The following COA7 variants were observed in gnomAD, a reference collection of about 807,000 sequenced individuals.
COA7 encodes the protein cytochrome c oxidase assembly factor 7.
COA7 carries 12 observed loss-of-function variants against 21.0 expected under a neutral mutation model. The ratio of observed to expected loss-of-function variants is 0.57; its 90% CI spans 0.37 to 0.92. COA7 has a LOEUF of 0.92. Ranked by LOEUF, COA7 falls within the 40% of genes least tolerant of loss-of-function variation. COA7 has a pLI of 0.01. For synonymous variants in COA7, 95 were observed against 107.4 expected (o/e 0.88, Z 0.72); for missense variants, 240 against 286.1 (o/e 0.84, Z 1.16).
At chr1:52,694,077 A>T (rs1644066726) in intron 1 of COA7, among the ~76,000 whole-genome samples, 1 of 152,232 alleles carries the variant, frequency 6.6e-6, no homozygotes, top group African/African-American at 2.4e-5. Context: ...ACACATGGAC[A>T]CAGGGAGTGT....
intron 1 of COA7, among the ~76,000 whole-genome samples, chr1:52,695,815 T>A (rs1013000556): frequency 3.3e-5 from 5 of 152,054 alleles, no homozygotes; most frequent in Non-Finnish European, 7.4e-5. Flanking sequence ...TCTTCTCAGG[T>A]CTCGTAAAGT....
In COA7 at chr1:52,684,913, A is replaced by G. The variant is rs920607747; in HGVS notation, c.*2807T>C. 1 of 148,122 alleles carries G rather than the reference A, an allele frequency of 6.8e-6. No homozygotes were observed. Among genetic ancestry groups the G allele is most frequent in the African/African-American group, 2.6e-5 (1 of 38,280 alleles). The allele number at this position is 148,122 out of a possible 1,614,324, so 9.2% of individuals were successfully genotyped here. The stretch of plus-strand genomic sequence containing the variant: ...AGACTGGCTTCATTTAGTAGCATTC[A>G]TTTAAGTTCCTCTGTGACTTCTTAT... On this transcript the variant is annotated 3_prime_UTR_variant, in exon 3 of 3. Transcript: ENST00000371538.
At chr1:52,696,256 C>T (rs1644083217) in intron 1 of COA7, among the ~76,000 whole-genome samples, 1 of 152,086 alleles carries the variant, frequency 6.6e-6, no homozygotes, top group Admixed American at 6.6e-5. Context: ...TCACTGCAAC[C>T]TCCGCCTCCC....
At chr1:52,689,754 G>A (rs1276309946) in intron 2 of COA7, among the ~76,000 whole-genome samples, 6 of 151,726 alleles carry the variant, frequency 4.0e-5, no homozygotes, top group East Asian at 3.9e-4. Flanking sequence ...GGCTGGGCGC[G>A]GTGGCTTACG....
At chr1:52,692,041 G>A (rs79742529) in intron 2 of COA7, among the ~76,000 whole-genome samples, 3,029 of 152,276 alleles carry the variant, frequency 0.02, 72 homozygotes, top group East Asian at 0.14. Flanking sequence ...GACGATCTGA[G>A]CTCTCCCAAT....
intron 1 of COA7, 72 bp from the exon 2 acceptor site, chr1:52,692,939 G>A (rs1644058731): frequency 1.3e-6 from 2 of 1,546,718 alleles, no homozygotes; most frequent in Non-Finnish European, 8.9e-7. Flanking sequence ...GGGGGTAGGG[G>A]GTGCCCAGGT....
chr1:52,687,797 C>G lies in COA7; in HGVS notation c.619G>C (p.Ala207Pro). Residue 207 changes from alanine (A) to proline (P), a missense_variant, in exon 3 of 3, where the codon GCC becomes CCC. Transcript: ENST00000371538. Reference sequence around the variant, plus strand: ...TGGGCTCGATTTTTTAGCACCTCGGCCTTGGCCTCATCCTTATCAACACCA... The same window carrying G: ...TGGGCTCGATTTTTTAGCACCTCGGGCTTGGCCTCATCCTTATCAACACCA... ...GDGVDKDEAK[A>P]EVLKNRAQQL... 1 of 1,614,270 alleles carries G rather than the reference C, an allele frequency of 6.2e-7. No homozygotes were observed. The highest frequency in any genetic ancestry group is 8.5e-7 in the Non-Finnish European group (1 of 1,180,050).
In COA7 at chr1:52,687,952, G is replaced by A. The variant is rs1355838594; in HGVS notation, c.464C>T (p.Ala155Val). Residue 155 changes from alanine to valine, a missense_variant, in exon 3 of 3, where the codon GCC becomes GTC. This residue lies in a region of COA7 where 163 missense variants were observed against 214.1 expected (regional missense o/e 0.76). Coordinates refer to ENST00000371538, the MANE Select transcript of COA7 (RefSeq NM_023077.3). ...GYTSSCFNLSAMFLQGAPGFP... is the reference protein window; with the variant it reads ...GYTSSCFNLSVMFLQGAPGFP... Reference sequence around the variant, plus strand: ...GCCTGGGGCACCCTGCAGGAACATGGCACTGAGGTTGAAGCAACTGGAAGT... The same window carrying A: ...GCCTGGGGCACCCTGCAGGAACATGACACTGAGGTTGAAGCAACTGGAAGT... 1.2e-6 allele frequency: 2 copies of A among 1,614,096 alleles called. No individual in the cohort carries two copies. Among genetic ancestry groups the A allele is most frequent in the Admixed American group, 3.3e-5 (2 of 60,008 alleles).
intron 1 of COA7, among the ~76,000 whole-genome samples, chr1:52,694,674 A>G (rs1269503421): frequency 6.6e-6 from 1 of 152,182 alleles, no homozygotes; most frequent in Non-Finnish European, 1.5e-5. Flanking sequence ...GACCTCAATA[A>G]CAAGAAAGCA....
intron 2 of COA7, among the ~76,000 whole-genome samples, chr1:52,690,408 G>C (rs1047891715): frequency 6.6e-6 from 1 of 151,484 alleles, no homozygotes; most frequent in Non-Finnish European, 1.5e-5. Flanking sequence ...CAGATTAAAT[G>C]CTGGCTGGTT....
At position 52,687,622 on chromosome 1, in the gene COA7, TGCTCCAGCAGG is replaced by T; in HGVS notation, c.*87_*97del. 1 of 1,191,452 alleles carries T rather than the reference TGCTCCAGCAGG, an allele frequency of 8.4e-7. No homozygotes were observed. Among genetic ancestry groups the T allele is most frequent in the African/African-American group, 1.5e-5 (1 of 65,848 alleles). 73.8% of individuals were successfully genotyped at this position (1,191,452 alleles called of 1,614,324 possible). A position where few individuals can be genotyped will look rare whatever the true frequency, so the allele number is the denominator to read the frequency against. ...TACAAATTCAAGTCCCAAGTTTTTT[TGCTCCAGCAGG>T]TTGACCTTCAAGGGCTGCATCAGTC... On this transcript the variant is annotated 3_prime_UTR_variant, in exon 3 of 3. Transcript: ENST00000371538.
In COA7 at chr1:52,698,336, C is replaced by T. The variant is rs201305114; in HGVS notation, c.-10G>A. 1 of 1,604,760 alleles carries T rather than the reference C, an allele frequency of 6.2e-7. No homozygotes were observed. Among genetic ancestry groups the T allele is most frequent in the East Asian group, 2.2e-5 (1 of 44,734 alleles). On this transcript the variant is annotated 5_prime_UTR_variant, in exon 1 of 3. Coordinates refer to ENST00000371538, the MANE Select transcript of COA7 (RefSeq NM_023077.3). ...CCACCATGCCGGCCATGGTTCGCGC[C>T]GGCCCAAAGACGGTCACGTGAGCCG...
In COA7 at chr1:52,687,306, C is replaced by T. The variant is rs7517058; in HGVS notation, c.*414G>A. On this transcript the variant is annotated 3_prime_UTR_variant, in exon 3 of 3. Coordinates refer to ENST00000371538, the MANE Select transcript of COA7 (RefSeq NM_023077.3). ...AAAATAATAATGATGAAAATGATGA[C>T]AGCTGATTCCTTTAGGCCCCGGGGC... 0.022 allele frequency: 3,869 copies of T among 178,172 alleles called. 119 individuals carry two copies. Among genetic ancestry groups the T allele is most frequent in the African/African-American group, 0.08 (3,376 of 42,238 alleles). The allele number at this position is 178,172 out of a possible 1,614,324, so 11.0% of individuals were successfully genotyped here. A position where few individuals can be genotyped will look rare whatever the true frequency, so the allele number is the denominator to read the frequency against.
Position 52,687,736 on chromosome 1 carries a change from G to T in COA7, c.680C>A (p.Pro227His), listed in dbSNP as rs867439163. The change falls in exon 3 of 3, where the codon CCC becomes CAC. Residue 227 changes from proline to histidine, a missense_variant. This residue lies in a region of COA7 where 163 missense variants were observed against 214.1 expected (regional missense o/e 0.76). Coordinates refer to ENST00000371538, the MANE Select transcript of COA7 (RefSeq NM_023077.3). The stretch of plus-strand genomic sequence containing the variant: ...TGGACCACATTACCCAAATGTTAAG[G>T]GTTGGACACCTTTCTGCTGTTCTTT... ...LHKEQQKGVQ[P>H]LTFG 6.2e-7 allele frequency: 1 copy of T among 1,614,156 alleles called. No homozygotes were observed. The highest frequency in any genetic ancestry group is 1.1e-5 in the South Asian group (1 of 91,082).
intron 2 of COA7, among the ~76,000 whole-genome samples, chr1:52,689,362 G>T (rs985224286): frequency 6.6e-6 from 1 of 150,648 alleles, no homozygotes; most frequent in Non-Finnish European, 1.5e-5. Context: ...CACCACGTTG[G>T]TCAGGCTAGT....
Position 52,687,525 on chromosome 1 carries a change from G to A in COA7, c.*195C>T. On this transcript the variant is annotated 3_prime_UTR_variant, in exon 3 of 3. Transcript: ENST00000371538. ...ACATTGTACAGAACACCCAGATAAA[G>A]GAATATTGACTGAAATAAACATTGT... 8.2e-6 allele frequency: 5 copies of A among 609,526 alleles called. No homozygotes were observed. In the South Asian group the frequency reaches 8.3e-5, roughly 10 times the overall value. The allele number at this position is 609,526 out of a possible 1,614,324, so 37.8% of individuals were successfully genotyped here.
At chr1:52,689,855 C>T (rs1044784245) in intron 2 of COA7, among the ~76,000 whole-genome samples, 1 of 151,916 alleles carries the variant, frequency 6.6e-6, no homozygotes, top group African/African-American at 2.4e-5. Context: ...GAAACCCCAT[C>T]TCTACTAAAA....
In COA7 at chr1:52,686,460, T is replaced by TG. The variant is rs1221758925; in HGVS notation, c.*1259_*1260insC. 6.6e-6 allele frequency: 1 copy of TG among 151,844 alleles called. No individual in the cohort carries two copies. The highest frequency in any genetic ancestry group is 1.5e-5 in the Non-Finnish European group (1 of 67,938). The allele number at this position is 151,844 out of a possible 1,614,324, so 9.4% of individuals were successfully genotyped here. ...CAACAGAAAAAGCAAATTTTTTTTT[T>TG]TTTTTGAGACGGAGTCTCACTCTAT... On this transcript the variant is annotated 3_prime_UTR_variant, in exon 3 of 3. Coordinates refer to ENST00000371538, the MANE Select transcript of COA7 (RefSeq NM_023077.3).
At chr1:52,688,276 C>G in intron 2 of COA7, 108 bp from the exon 3 acceptor site, 1 of 852,018 alleles carries the variant, frequency 1.2e-6, no homozygotes, top group Non-Finnish European at 1.8e-6. Context: ...AAGGGTCTTG[C>G]TTTGTTAACC....
Sources: allele counts gnomAD v4.1 joint callset (sites outside exome capture counted in the v4.1 genomes callset), GRCh38; gene constraint gnomAD v4.1.1; regional missense constraint gnomAD v4.1.1; transcripts MANE v1.5; gene names NCBI Gene and HGNC (gene_info 2026-07-23, HGNC 2026-07-21).